Variants in ATAD2B observed in about 807,000 individuals in gnomAD.
ATAD2B encodes the protein ATPase family AAA domain-containing protein 2B.
In ATAD2B, 40 loss-of-function variants were observed where a neutral mutation model predicts 167.6. The observed-to-expected ratio is 0.24, with a 90% CI of 0.19 to 0.31. ATAD2B has a LOEUF of 0.31. ATAD2B is among the 10% of genes least tolerant of loss of function. ATAD2B has a pLI of 1.00. For missense variants in ATAD2B, 1,242 were observed against 1,757.2 expected (o/e 0.71, Z 5.24); for synonymous variants, 579 against 596.5 (o/e 0.97, Z 0.43).
chr2:23,782,266 A>T (rs913617650), intron 22 of ATAD2B, among the ~76,000 whole-genome samples: 8 of 152,252 alleles, frequency 5.3e-5, no homozygotes, highest in African/African-American at 1.9e-4. Flanking sequence ...ACTTAACGCA[A>T]GTCCAAATCC....
chr2:23,855,174 C>G (rs962683833), intron 13 of ATAD2B, among the ~76,000 whole-genome samples: 10 of 140,508 alleles, frequency 7.1e-5, no homozygotes, highest in Non-Finnish European at 1.5e-4. Flanking sequence ...AACAGGGCAA[C>G]AGAGCAAGAC....
chr2:23,815,764 T>A (rs1476088101), intron 17 of ATAD2B, among the ~76,000 whole-genome samples: 1 of 152,182 alleles, frequency 6.6e-6, no homozygotes, highest in East Asian at 1.9e-4. Context: ...ATGTGATAGA[T>A]CTAAATATGC....
the ATAD2B span, among the ~76,000 whole-genome samples, chr2:23,716,350 A>G: frequency 6.6e-6 from 1 of 152,138 alleles, no homozygotes; most frequent in Non-Finnish European, 1.5e-5. Flanking sequence ...TTATTGATTT[A>G]CCATTTGTTG....
the ATAD2B span, among the ~76,000 whole-genome samples, chr2:23,712,711 A>T: frequency 6.6e-6 from 1 of 152,150 alleles, no homozygotes; most frequent in African/African-American, 2.4e-5. Context: ...TTTTCACATG[A>T]TGGTAAAAAA....
chr2:23,926,489 C>A, intron 1 of ATAD2B, 66 bp downstream of exon 1: 1 of 1,507,660 alleles, frequency 6.6e-7, no homozygotes, highest in Non-Finnish European at 8.8e-7. Context: ...CCAACCCGGC[C>A]AGACAAAGCC....
At chr2:23,895,400 A>G (rs1394987595) in intron 2 of ATAD2B, among the ~76,000 whole-genome samples, 3 of 152,132 alleles carry the variant, frequency 2.0e-5, no homozygotes, top group Admixed American at 2.0e-4. Context: ...AGTTAAAAAC[A>G]GGATAATAGA....
chr2:23,684,038 G>T, the ATAD2B span, among the ~76,000 whole-genome samples: 2 of 152,162 alleles, frequency 1.3e-5, 1 homozygote, highest in Admixed American at 1.3e-4. The surrounding 1 kb of genome is among the most constrained non-coding windows in gnomAD (Gnocchi z 4.4). Flanking sequence ...AACTTGCTCC[G>T]TAGTTATTTG....
the ATAD2B span, among the ~76,000 whole-genome samples, chr2:23,725,710 G>C: frequency 6.6e-6 from 1 of 152,032 alleles, no homozygotes; most frequent in Non-Finnish European, 1.5e-5. Context: ...GAATCCAGAG[G>C]AATAAGAAAC....
At chr2:23,732,739 C>G in the ATAD2B span, among the ~76,000 whole-genome samples, 1 of 152,294 alleles carries the variant, frequency 6.6e-6, no homozygotes, top group Non-Finnish European at 1.5e-5. Flanking sequence ...ATAAAATACT[C>G]TTATTCAAGA....
chr2:23,755,916 T>C (rs1475114307), intron 25 of ATAD2B, among the ~76,000 whole-genome samples: 1 of 152,196 alleles, frequency 6.6e-6, no homozygotes, highest in Non-Finnish European at 1.5e-5. Flanking sequence ...CATGGACTTC[T>C]AGAGGCCTGA....
At chr2:23,841,733 C>G (rs1690947688) in intron 13 of ATAD2B, among the ~76,000 whole-genome samples, 1 of 152,176 alleles carries the variant, frequency 6.6e-6, no homozygotes, top group African/African-American at 2.4e-5. Context: ...CCAGGCTGAT[C>G]TCAAACTCCT....
intron 12 of ATAD2B, among the ~76,000 whole-genome samples, chr2:23,860,976 A>G (rs999013068): frequency 5.3e-5 from 8 of 152,030 alleles, no homozygotes; most frequent in Admixed American, 4.6e-4. Context: ...CATATCAAAT[A>G]AATAAATAAA....
chr2:23,716,228 T>C, the ATAD2B span, among the ~76,000 whole-genome samples: 3 of 152,230 alleles, frequency 2.0e-5, no homozygotes, highest in African/African-American at 4.8e-5. Context: ...TCCCATATTA[T>C]AGACACATGA....
the ATAD2B span, among the ~76,000 whole-genome samples, chr2:23,736,984 G>C: frequency 2.0e-5 from 3 of 152,218 alleles, no homozygotes; most frequent in Non-Finnish European, 4.4e-5. Flanking sequence ...AGGCAGCAGC[G>C]AGGCTGGGGG....
the ATAD2B span, among the ~76,000 whole-genome samples, chr2:23,720,284 G>A: frequency 4.1e-4 from 62 of 152,248 alleles, no homozygotes; most frequent in South Asian, 1.5e-3. Context: ...CAAAAGTCCA[G>A]GAGGGCAGGC....
At chr2:23,710,293 C>T in the ATAD2B span, among the ~76,000 whole-genome samples, 13 of 152,270 alleles carry the variant, frequency 8.5e-5, no homozygotes, top group African/African-American at 2.9e-4. Flanking sequence ...AAAGAGGAAA[C>T]GTTGCCAGTA....
intron 17 of ATAD2B, chr2:23,811,595 C>G (rs1340344195): frequency 1.3e-5 from 2 of 152,048 alleles, no homozygotes; most frequent in African/African-American, 4.8e-5. Context: ...CGGGGCCTGT[C>G]CGGGGGTGGG....
At chr2:23,878,356 G>T (rs1697353421) in intron 7 of ATAD2B, among the ~76,000 whole-genome samples, 1 of 149,232 alleles carries the variant, frequency 6.7e-6, no homozygotes, top group South Asian at 2.1e-4. Flanking sequence ...GTGAGACTCT[G>T]TCTCAAAAAA....
At chr2:23,884,063 G>GA in intron 6 of ATAD2B, among the ~76,000 whole-genome samples, 1 of 152,216 alleles carries the variant, frequency 6.6e-6, no homozygotes, top group East Asian at 1.9e-4. Flanking sequence ...AGAATCGCTT[G>GA]AACCCAGGAG....
Sources: allele counts gnomAD v4.1 joint callset (sites outside exome capture counted in the v4.1 genomes callset), GRCh38; gene constraint gnomAD v4.1.1; non-coding constraint Gnocchi (gnomAD v3.1); transcripts MANE v1.5; gene names NCBI Gene and HGNC (gene_info 2026-07-23, HGNC 2026-07-21).